Variants in KHDRBS2 observed in about 807,000 individuals in gnomAD.
The protein encoded by KHDRBS2 is KH RNA binding domain containing, signal transduction associated 2, also known as KH domain-containing, RNA-binding, signal transduction-associated protein 2.
In KHDRBS2, 26 loss-of-function variants were observed where a neutral mutation model predicts 44.3. The observed-to-expected ratio is 0.59, with a 90% CI of 0.43 to 0.81. The LOEUF (loss-of-function observed/expected upper bound fraction) is 0.81. Among genes scored for constraint, KHDRBS2 ranks in the 40% least tolerant of loss-of-function variants. KHDRBS2 has a pLI of 0.00. For missense variants in KHDRBS2, 476 were observed against 433.1 expected (o/e 1.10, Z -0.88); for synonymous variants, 194 against 151.1 (o/e 1.28, Z -2.08).
At chr6:61,800,405 A>G (rs1743448) in intron 6 of KHDRBS2, among the ~76,000 whole-genome samples, 97,543 of 151,892 alleles carry the variant, frequency 0.64, 32,039 homozygotes, top group African/African-American at 0.79. Context: ...GTCTGCATTT[A>G]TGTCTTGGTT....
Position 61,815,648 on chromosome 6 carries a change from G to A in KHDRBS2, c.810+78987C>T, listed in dbSNP as rs190027655. Reference sequence around the variant, plus strand: ...CCATGACCTTGGAAATATGGCCTCTGTGAACACTTCTATCCCTGAAGTAAT... The same window carrying A: ...CCATGACCTTGGAAATATGGCCTCTATGAACACTTCTATCCCTGAAGTAAT... On this transcript the variant is annotated intron_variant, in intron 6 of 8. Transcript: ENST00000281156. Among the ~76,000 whole-genome samples the A allele has an allele frequency of 1.8e-3, 275 of 152,242 alleles. 3 individuals are homozygous for A. The highest frequency in any genetic ancestry group is 1.2e-3 in the Non-Finnish European group (80 of 68,012).
At chr6:61,775,901 C>A (rs1325941172) in intron 6 of KHDRBS2, among the ~76,000 whole-genome samples, 3 of 152,278 alleles carry the variant, frequency 2.0e-5, no homozygotes, top group African/African-American at 7.2e-5. Flanking sequence ...TACTACAAGG[C>A]CACAGTAACC....
At chr6:61,660,419 A>C in the KHDRBS2 span, among the ~76,000 whole-genome samples, 18 of 151,936 alleles carry the variant, frequency 1.2e-4, no homozygotes, top group African/African-American at 4.1e-4. Context: ...ATGTACTTTC[A>C]TTAAAAAAAT....
At chr6:61,625,941 A>G in the KHDRBS2 span, among the ~76,000 whole-genome samples, 1 of 152,242 alleles carries the variant, frequency 6.6e-6, no homozygotes, top group South Asian at 2.1e-4. Flanking sequence ...AATAATTTGC[A>G]TGCATATACA....
At chr6:61,691,749 G>C (rs1767408734) in intron 8 of KHDRBS2, among the ~76,000 whole-genome samples, 1 of 151,990 alleles carries the variant, frequency 6.6e-6, no homozygotes, top group African/African-American at 2.4e-5. Flanking sequence ...TTCCTTTGCT[G>C]TTTTCACAGA....
chr6:61,686,270 A>G (rs150631670), intron 8 of KHDRBS2, among the ~76,000 whole-genome samples: 34 of 151,904 alleles, frequency 2.2e-4, no homozygotes, highest in South Asian at 6.2e-4. Context: ...AACCCAAGTT[A>G]GTCTCTACCA....
In KHDRBS2 at chr6:62,144,417, C is replaced by T. The variant is rs193183609; in HGVS notation, c.219+32768G>A. Reference sequence around the variant, plus strand: ...AATAGGCAGTTTCCCACATTTAGTCCTTCATAACTCTTCCTAACCTCATGT... The same window carrying T: ...AATAGGCAGTTTCCCACATTTAGTCTTTCATAACTCTTCCTAACCTCATGT... On this transcript the variant is annotated intron_variant, in intron 2 of 8. Transcript: ENST00000281156. Among the ~76,000 whole-genome samples, 5 of 151,924 alleles carry T rather than the reference C, an allele frequency of 3.3e-5. No homozygotes were observed. The East Asian group carries it at 9.7e-4, about 29-fold the overall frequency.
In KHDRBS2 at chr6:61,682,876, A is replaced by G. The variant is rs1382589548; in HGVS notation, c.953-1816T>C. On this transcript the variant is annotated intron_variant, in intron 8 of 8. Transcript: ENST00000281156. The stretch of plus-strand genomic sequence containing the variant: ...GTGTACTCAAAGGGAAAACACATTC[A>G]GTGTGTGCAAGCTTGAAAGTACCTT... Among the ~76,000 whole-genome samples, 3 of 152,010 alleles carry G rather than the reference A, an allele frequency of 2.0e-5. No homozygotes were observed. The Middle Eastern group carries it at 0.01, about 517-fold the overall frequency.
the KHDRBS2 span, among the ~76,000 whole-genome samples, chr6:61,615,214 CAG>C: frequency 0.033 from 3,145 of 93,892 alleles, 90 homozygotes; most frequent in Non-Finnish European, 0.047. Flanking sequence ...GCCTGGGTGA[CAG>C]AGCAAGACTC....
chr6:61,863,669 T>C (rs1345557495), intron 6 of KHDRBS2, among the ~76,000 whole-genome samples: 1 of 152,210 alleles, frequency 6.6e-6, no homozygotes, highest in Non-Finnish European at 1.5e-5. Flanking sequence ...ATTTTAGTTC[T>C]TCTGCATTTG....
At chr6:62,251,790 A>G (rs924250257) in intron 1 of KHDRBS2, among the ~76,000 whole-genome samples, 11 of 152,042 alleles carry the variant, frequency 7.2e-5, no homozygotes, top group African/African-American at 1.9e-4. Flanking sequence ...TCAACCAAAA[A>G]TAGGTTGTTT....
At chr6:62,122,271 G>T (rs781509917) in intron 2 of KHDRBS2, among the ~76,000 whole-genome samples, 1 of 152,054 alleles carries the variant, frequency 6.6e-6, no homozygotes, top group African/African-American at 2.4e-5. Flanking sequence ...TTTGGAGCAG[G>T]GCCCTGCCAT....
chr6:62,126,698 A>G (rs1266752551), intron 2 of KHDRBS2, among the ~76,000 whole-genome samples: 1 of 152,160 alleles, frequency 6.6e-6, no homozygotes, highest in Non-Finnish European at 1.5e-5. Flanking sequence ...CCTTCTTAAG[A>G]AGAATATATT....
chr6:61,978,189 C>T lies in KHDRBS2; in HGVS notation c.360G>A (p.Gly120=), dbSNP rs190289431. The T allele has an allele frequency of 5.5e-5, 88 of 1,606,190 alleles. 1 individual carries two copies. The highest frequency in any genetic ancestry group is 4.7e-4 in the South Asian group (42 of 88,756). ...KAKEEELRKS[G]EAKYAHLSDE... ...CACTCAAGTGGGCATATTTGGCTTC[C>T]CCACTCTTCCTTAGTTCTTCTTCCT... is the stretch of plus-strand genomic sequence containing the variant. The change falls in exon 4 of 9, where the codon GGG becomes GGA. Residue 120 remains glycine (G), a synonymous_variant. Transcript: ENST00000281156.
chr6:62,060,290 T>C (rs1371853989), intron 2 of KHDRBS2, among the ~76,000 whole-genome samples: 5 of 151,684 alleles, frequency 3.3e-5, no homozygotes, highest in Admixed American at 6.6e-5. Flanking sequence ...AGGGATGGGC[T>C]GGGGGTGAGT....
chr6:61,621,611 G>A, the KHDRBS2 span, among the ~76,000 whole-genome samples: 1 of 152,146 alleles, frequency 6.6e-6, no homozygotes, highest in African/African-American at 2.4e-5. Context: ...GGGACATCTG[G>A]GTGGATGGTC....
intron 2 of KHDRBS2, among the ~76,000 whole-genome samples, chr6:62,074,962 T>C (rs1584534279): frequency 6.6e-6 from 1 of 152,084 alleles, no homozygotes. Flanking sequence ...TCTGATACTT[T>C]TAAAATTATG....
At chr6:62,198,598 C>G (rs1215121310) in intron 1 of KHDRBS2, among the ~76,000 whole-genome samples, 1 of 152,042 alleles carries the variant, frequency 6.6e-6, no homozygotes, top group Non-Finnish European at 1.5e-5. Flanking sequence ...TAATTAATAC[C>G]TTACCAACCA....
intron 7 of KHDRBS2, among the ~76,000 whole-genome samples, chr6:61,728,246 C>T (rs1773890386): frequency 6.6e-6 from 1 of 151,764 alleles, no homozygotes; most frequent in South Asian, 2.1e-4. Flanking sequence ...GATGAGAACA[C>T]AGGGACACAC....
Sources: gnomAD v4.1 joint callset for allele counts (sites outside exome capture counted in the v4.1 genomes callset) on GRCh38, gnomAD v4.1.1 for gene constraint, MANE v1.5 for transcripts, NCBI Gene and HGNC (gene_info 2026-07-23, HGNC 2026-07-21) for gene names.